Variants in ARHGAP22 observed in about 807,000 individuals in gnomAD.
The protein encoded by ARHGAP22 is rho GTPase-activating protein 22.
Under a neutral mutation model 59.1 loss-of-function variants are expected in ARHGAP22, and 48 were observed. The observed-to-expected ratio is 0.81, with a 90% confidence interval of 0.64 to 1.03. The LOEUF (loss-of-function observed/expected upper bound fraction) is 1.03, where lower values mean the gene tolerates loss of function less well. ARHGAP22 is among the 50% of genes least tolerant of loss of function. ARHGAP22 has a pLI of 0.00. For synonymous variants in ARHGAP22, 445 were observed against 416.4 expected (o/e 1.07, Z -0.84); for missense variants, 1,015 against 958.7 (o/e 1.06, Z -0.78).
At chr10:48,501,914 G>T (rs2051563898) in intron 3 of ARHGAP22, among the ~76,000 whole-genome samples, 1 of 152,146 alleles carries the variant, frequency 6.6e-6, no homozygotes, top group Non-Finnish European at 1.5e-5. Flanking sequence ...GAGAAGGGAG[G>T]GTCTCAGGAG....
intron 3 of ARHGAP22, among the ~76,000 whole-genome samples, chr10:48,513,664 G>A (rs1440730151): frequency 1.3e-5 from 2 of 152,212 alleles, no homozygotes; most frequent in East Asian, 3.8e-4. Context: ...GCAACCTGAG[G>A]AGGGAAGGTA....
rs139296383 is a variant in ARHGAP22 at position 48,450,325 on chromosome 10, G to A, written c.1804C>T (p.Leu602=). The A allele has an allele frequency of 4.7e-5, 75 of 1,604,788 alleles. No homozygotes were observed. The Middle Eastern group carries it at 9.9e-4, about 21-fold the overall frequency. The change falls in exon 9 of 10, where the codon CTG becomes TTG. Residue 602 remains leucine (L), a synonymous_variant. Transcript: ENST00000249601. ...AGCTCGGCCCTGAGCTCAGTGACCA[G>A]CCCCTGTAAGGCCTCGGAGCGGCGC... ...HARRSEALQG[L]VTELRAELCR...
intron 3 of ARHGAP22, chr10:48,510,816 G>C (rs1429708827): frequency 6.6e-6 from 1 of 152,268 alleles, no homozygotes; most frequent in African/African-American, 2.4e-5. Flanking sequence ...CTGACATGCT[G>C]TGTGGCCTTA....
At chr10:48,443,550 G>GAGGC (rs2045252325), downstream of ARHGAP22, among the ~76,000 whole-genome samples, 1 of 152,108 alleles carries the variant, frequency 6.6e-6, no homozygotes, top group South Asian at 2.1e-4. Flanking sequence ...GTTCTTGGTG[G>GAGGC]AGGCAGGAGT....
chr10:48,547,376 T>C (rs1240780463), intron 3 of ARHGAP22, among the ~76,000 whole-genome samples: 1 of 152,216 alleles, frequency 6.6e-6, no homozygotes, highest in Non-Finnish European at 1.5e-5. Context: ...AGGCCTCCTA[T>C]TGCCTGCAGG....
At chr10:48,506,105 G>C (rs1053552061) in intron 3 of ARHGAP22, among the ~76,000 whole-genome samples, 1 of 152,216 alleles carries the variant, frequency 6.6e-6, no homozygotes, top group Non-Finnish European at 1.5e-5. Flanking sequence ...TCGGCAGCTG[G>C]GTGGGACCTC....
chr10:48,457,191 C>T (rs911082165), intron 5 of ARHGAP22, among the ~76,000 whole-genome samples: 2 of 152,106 alleles, frequency 1.3e-5, no homozygotes, highest in African/African-American at 4.8e-5. Context: ...ACGCCAACAC[C>T]GGCATCTATG....
intron 3 of ARHGAP22, among the ~76,000 whole-genome samples, chr10:48,551,666 G>A (rs2056903495): frequency 6.6e-6 from 1 of 152,228 alleles, no homozygotes; most frequent in Non-Finnish European, 1.5e-5. Context: ...ACCATGTCGG[G>A]AAAGCAGTGG....
chr10:48,492,762 C>T (rs1322732057), intron 3 of ARHGAP22, among the ~76,000 whole-genome samples: 3 of 152,022 alleles, frequency 2.0e-5, no homozygotes, highest in East Asian at 1.9e-4. Context: ...TCATGTTGAC[C>T]AGGCTGGTCT....
At chr10:48,552,931 T>C (rs1458040246) in intron 3 of ARHGAP22, among the ~76,000 whole-genome samples, 1 of 152,222 alleles carries the variant, frequency 6.6e-6, no homozygotes, top group Non-Finnish European at 1.5e-5. Flanking sequence ...CAGGCTCCTG[T>C]ACCTGCCAGC....
intron 2 of ARHGAP22, among the ~76,000 whole-genome samples, chr10:48,577,527 T>G (rs2058797165): frequency 6.6e-6 from 1 of 152,150 alleles, no homozygotes; most frequent in South Asian, 2.1e-4. Flanking sequence ...TTCATCAGTT[T>G]CCTTCCTGGG....
intron 4 of ARHGAP22, among the ~76,000 whole-genome samples, chr10:48,467,721 A>G (rs1157198192): frequency 6.6e-6 from 1 of 152,224 alleles, no homozygotes; most frequent in African/African-American, 2.4e-5. Flanking sequence ...GGAAATTTCT[A>G]GTAAGGACCT....
intron 2 of ARHGAP22, among the ~76,000 whole-genome samples, chr10:48,561,918 G>A (rs2057709691): frequency 2.0e-5 from 3 of 152,148 alleles, no homozygotes; most frequent in African/African-American, 7.2e-5. Flanking sequence ...AAACAGTTAA[G>A]CAGACTCTTA....
intron 4 of ARHGAP22, among the ~76,000 whole-genome samples, chr10:48,470,355 C>G (rs17010496): frequency 1.1e-4 from 16 of 152,166 alleles, no homozygotes; most frequent in African/African-American, 3.9e-4. Flanking sequence ...GGCAGCTGCT[C>G]GGGCCTTTGT....
intron 3 of ARHGAP22, among the ~76,000 whole-genome samples, chr10:48,528,810 T>TC (rs2054565452): frequency 6.6e-6 from 1 of 150,500 alleles, no homozygotes; most frequent in South Asian, 2.1e-4. Context: ...CTCCTCCTTT[T>TC]TCTCTCTCTC....
rs181988284 is a variant in ARHGAP22, at chr10:48,627,177, T to A, written c.52+25057A>T. 2.3e-4 allele frequency among the ~76,000 whole-genome samples: 35 copies of A among 152,224 alleles called. No individual in the cohort carries two copies. The East Asian group carries it at 6.4e-3, about 28-fold the overall frequency. On this transcript the variant is annotated intron_variant, in intron 1 of 9. Transcript: ENST00000435790. ...ATTTCCTGCAGCAGGCTGTCCTGAG[T>A]TGTGTTCTTTGTCATTAACCTGCAA...
chr10:48,437,822 A>C, the ARHGAP22 span: 6 of 152,376 alleles, frequency 3.9e-5, no homozygotes, highest in African/African-American at 1.4e-4. Flanking sequence ...CAACCCCCTT[A>C]ACAATCCAAA....
chr10:48,556,796 G>A (rs2057336408), intron 2 of ARHGAP22: 2 of 152,158 alleles, frequency 1.3e-5, no homozygotes, highest in South Asian at 4.2e-4. Context: ...ACACCTAGTG[G>A]GGCACCGCAT....
chr10:48,511,634 G>A (rs572886073), intron 3 of ARHGAP22: 1 of 152,372 alleles, frequency 6.6e-6, no homozygotes, highest in South Asian at 2.1e-4. Context: ...ATAGGGCCCA[G>A]GACTCATCAT....
Sources: gnomAD v4.1 joint callset for allele counts (sites outside exome capture counted in the v4.1 genomes callset) on GRCh38, gnomAD v4.1.1 for gene constraint, MANE v1.5 for transcripts, NCBI Gene and HGNC (gene_info 2026-07-23, HGNC 2026-07-21) for gene names.